The following LDB2 variants were observed in gnomAD, a reference collection of about 807,000 sequenced individuals.
LDB2 encodes the protein LIM domain-binding protein 2.
In LDB2, 12 loss-of-function variants were observed where a neutral mutation model predicts 44.3. The ratio of observed to expected loss-of-function variants is 0.27; its 90% CI spans 0.17 to 0.44. The LOEUF is 0.44. Ranked by LOEUF, LDB2 falls within the 20% of genes least tolerant of loss-of-function variation. The pLI, the probability that LDB2 is intolerant of heterozygous loss-of-function variation, is 1.00. For synonymous variants in LDB2, 164 were observed against 174.8 expected, an observed-to-expected ratio of 0.94 and a Z score of 0.49; for missense variants, 344 against 473.5, an observed-to-expected ratio of 0.73 and a Z score of 2.54.
At chr4:16,627,549 C>T (rs979774527) in intron 2 of LDB2, among the ~76,000 whole-genome samples, 3 of 152,132 alleles carry the variant, frequency 2.0e-5, no homozygotes, top group African/African-American at 7.2e-5. Context: ...TTTACATCAA[C>T]TATCTCCATT....
chr4:16,692,455 T>C (rs1268906439), intron 2 of LDB2, among the ~76,000 whole-genome samples: 3 of 152,202 alleles, frequency 2.0e-5, no homozygotes, highest in Non-Finnish European at 4.4e-5. Context: ...TACTTCCAAC[T>C]TCACCTTGGA....
chr4:16,652,321 TA>T (rs1027316260), intron 2 of LDB2, among the ~76,000 whole-genome samples: 14 of 152,110 alleles, frequency 9.2e-5, no homozygotes, highest in African/African-American at 2.9e-4. Flanking sequence ...CACATGAAAC[TA>T]AAAAATCTTG....
intron 2 of LDB2, among the ~76,000 whole-genome samples, chr4:16,641,357 T>TGAGA (rs1444447448): frequency 6.6e-6 from 1 of 151,880 alleles, no homozygotes; most frequent in Non-Finnish European, 1.5e-5. Flanking sequence ...GTTTCTAGAG[T>TGAGA]GAGAGCTCAG....
chr4:16,760,751 T>A (rs966107810), intron 1 of LDB2, among the ~76,000 whole-genome samples: 4 of 152,116 alleles, frequency 2.6e-5, no homozygotes, highest in African/African-American at 9.7e-5. Context: ...GTGGCACACG[T>A]CCTCAATGCT....
intron 2 of LDB2, among the ~76,000 whole-genome samples, chr4:16,726,938 A>C (rs1165759555): frequency 6.6e-6 from 1 of 152,224 alleles, no homozygotes; most frequent in Non-Finnish European, 1.5e-5. Flanking sequence ...ACATATGTAC[A>C]TTATGTGTGT....
intron 2 of LDB2, among the ~76,000 whole-genome samples, chr4:16,622,942 TACC>T (rs946370412): frequency 2.6e-5 from 4 of 152,336 alleles, no homozygotes; most frequent in Non-Finnish European, 4.4e-5. Flanking sequence ...TGTTCAATTT[TACC>T]ACGTTTATTT....
At chr4:16,520,191 A>G (rs1725483814) in intron 5 of LDB2, among the ~76,000 whole-genome samples, 1 of 152,114 alleles carries the variant, frequency 6.6e-6, no homozygotes, top group South Asian at 2.1e-4. Flanking sequence ...CCAGAAAGAC[A>G]TCAGATGATG....
chr4:16,627,644 C>T (rs11935120), intron 2 of LDB2, among the ~76,000 whole-genome samples: 3 of 152,164 alleles, frequency 2.0e-5, no homozygotes, highest in African/African-American at 7.2e-5. Context: ...AGTCAGGATT[C>T]CTGGTGTGGT....
intron 1 of LDB2, among the ~76,000 whole-genome samples, chr4:16,894,015 T>C (rs1251269965): frequency 1.3e-5 from 2 of 152,156 alleles, no homozygotes; most frequent in Non-Finnish European, 2.9e-5. Context: ...CACTGTAATG[T>C]TTCTCATATA....
chr4:16,828,102 G>A (rs372275115), intron 1 of LDB2, among the ~76,000 whole-genome samples: 9 of 151,860 alleles, frequency 5.9e-5, no homozygotes, highest in South Asian at 4.2e-4. Flanking sequence ...TGCTCTCCTC[G>A]CTCTCCAATC....
intron 2 of LDB2, among the ~76,000 whole-genome samples, chr4:16,686,655 G>C (rs978999662): frequency 1.3e-5 from 2 of 152,194 alleles, no homozygotes; most frequent in Non-Finnish European, 2.9e-5. Context: ...CAGAATCCAA[G>C]TCAGGAGTAC....
intron 1 of LDB2, among the ~76,000 whole-genome samples, chr4:16,812,659 G>A (rs1025431368): frequency 1.4e-5 from 2 of 147,316 alleles, no homozygotes; most frequent in Non-Finnish European, 3.0e-5. Context: ...GTGTGTGTGT[G>A]TGTGTATTTA....
At chr4:16,717,645 T>A (rs1757361035) in intron 2 of LDB2, among the ~76,000 whole-genome samples, 1 of 152,176 alleles carries the variant, frequency 6.6e-6, no homozygotes, top group Non-Finnish European at 1.5e-5. Context: ...AAGTGAACAA[T>A]GAATCCATAT....
intron 2 of LDB2, among the ~76,000 whole-genome samples, chr4:16,611,686 C>T (rs1725676796): frequency 6.6e-6 from 1 of 152,060 alleles, no homozygotes; most frequent in South Asian, 2.1e-4. Flanking sequence ...TATATGCACC[C>T]AATACAGGAG....
At chr4:16,592,475 T>C (rs1266163499) in intron 3 of LDB2, among the ~76,000 whole-genome samples, 2,662 of 118,836 alleles carry the variant, frequency 0.022, 79 homozygotes, top group African/African-American at 0.061. Context: ...CATATATATA[T>C]ATATATATAT....
chr4:16,587,451 T>A (rs747374141), intron 4 of LDB2, among the ~76,000 whole-genome samples: 10 of 152,226 alleles, frequency 6.6e-5, no homozygotes, highest in Non-Finnish European at 1.3e-4. Flanking sequence ...GGTTCCCAAC[T>A]GTTATCCTTT....
At chr4:16,623,899 C>T (rs1729579324) in intron 2 of LDB2, among the ~76,000 whole-genome samples, 1 of 152,154 alleles carries the variant, frequency 6.6e-6, no homozygotes. Context: ...AAAATAATTT[C>T]ACACTAAATC....
At chr4:16,690,630 C>A (rs1750526657) in intron 2 of LDB2, among the ~76,000 whole-genome samples, 1 of 151,742 alleles carries the variant, frequency 6.6e-6, no homozygotes, top group African/African-American at 2.4e-5. Flanking sequence ...TTTATACCTG[C>A]TCTGATCATC....
At chr4:16,739,253 G>A (rs1762467751) in intron 2 of LDB2, among the ~76,000 whole-genome samples, 2 of 151,446 alleles carry the variant, frequency 1.3e-5, no homozygotes, top group African/African-American at 2.4e-5. Context: ...CAAGTAAAAA[G>A]CAAAAAAAGA....
Sources: allele counts gnomAD v4.1 joint callset (sites outside exome capture counted in the v4.1 genomes callset), GRCh38; gene constraint gnomAD v4.1.1; transcripts MANE v1.5; gene names NCBI Gene and HGNC (gene_info 2026-07-23, HGNC 2026-07-21).